Variants in PRELID2 observed in about 807,000 individuals in gnomAD.
PRELID2 encodes the protein PRELI domain-containing protein 2.
PRELID2 carries 25 observed loss-of-function variants against 28.4 expected under a neutral mutation model. The observed-to-expected ratio is 0.88, with a 90% confidence interval of 0.64 to 1.23. The LOEUF (loss-of-function observed/expected upper bound fraction) is 1.23. Ranked by LOEUF, PRELID2 falls within the 50% of genes most tolerant of loss-of-function variation. PRELID2 has a pLI of 0.00. For missense variants in PRELID2, 201 were observed against 214.4 expected, an observed-to-expected ratio of 0.94 and a Z score of 0.39; for synonymous variants, 76 against 71.6, an observed-to-expected ratio of 1.06 and a Z score of -0.31.
the PRELID2 span, among the ~76,000 whole-genome samples, chr5:145,260,101 A>G: frequency 3.9e-5 from 6 of 152,172 alleles, no homozygotes; most frequent in African/African-American, 1.2e-4. Flanking sequence ...TGCTCCTGCC[A>G]TGTAAGATGC....
intron 1 of PRELID2, among the ~76,000 whole-genome samples, chr5:145,669,405 G>T (rs3902854): frequency 2.4e-4 from 37 of 152,064 alleles, no homozygotes; most frequent in Non-Finnish European, 4.3e-4. Flanking sequence ...ATAAACCAGG[G>T]GTCTTTATCC....
chr5:145,515,166 TG>T (rs1044667718), intron 1 of PRELID2, among the ~76,000 whole-genome samples: 21 of 151,642 alleles, frequency 1.4e-4, no homozygotes, highest in African/African-American at 4.8e-4. Context: ...AGAACAGAAC[TG>T]AAGGAGATAG....
At position 145,796,508 on chromosome 5, in the gene PRELID2, C is replaced by A. The variant is rs773475017; in HGVS notation, c.408G>T (p.Gly136=). The change falls in exon 5 of 7, where the codon GGG becomes GGT. Residue 136 remains glycine (G), a synonymous_variant. Transcript: ENST00000683046. ...FIQRGRISIT[G]VGFLNCVLET... ...CTAAAACACAGTTGAGAAATCCAAC[C>A]CCTGTGATTGAAATCCTGCCTCTTT... 2 of 1,609,316 alleles carry A rather than the reference C, an allele frequency of 1.2e-6. No individual in the cohort carries two copies. Among genetic ancestry groups the A allele is most frequent in the South Asian group, 1.1e-5 (1 of 90,620 alleles).
At chr5:145,420,372 T>C in the PRELID2 span, among the ~76,000 whole-genome samples, 2 of 151,912 alleles carry the variant, frequency 1.3e-5, no homozygotes, top group African/African-American at 4.8e-5. Flanking sequence ...GAGCATGGAA[T>C]GTTCTTCCAT....
At chr5:145,329,949 G>A in the PRELID2 span, among the ~76,000 whole-genome samples, 10 of 152,104 alleles carry the variant, frequency 6.6e-5, no homozygotes, top group South Asian at 2.1e-4. Flanking sequence ...TTTGGGATAC[G>A]TTCCATCAAT....
intron 1 of PRELID2, among the ~76,000 whole-genome samples, chr5:145,511,956 G>A (rs1220246233): frequency 6.6e-6 from 1 of 152,118 alleles, no homozygotes; most frequent in Non-Finnish European, 1.5e-5. Flanking sequence ...TAAAATTAGT[G>A]AGAAGTAGAT....
intron 1 of PRELID2, among the ~76,000 whole-genome samples, chr5:145,580,137 G>C (rs537471908): frequency 1.3e-5 from 2 of 152,154 alleles, no homozygotes; most frequent in African/African-American, 4.8e-5. Context: ...AACAATCCAA[G>C]AATCTGTTAC....
chr5:145,774,838 G>A (rs987768723), intron 5 of PRELID2, among the ~76,000 whole-genome samples: 5 of 152,172 alleles, frequency 3.3e-5, no homozygotes, highest in African/African-American at 4.8e-5. Context: ...TCTGTGCTGA[G>A]CACATTACAT....
At position 145,742,326 on chromosome 5, in the gene PRELID2, A is replaced by ATTTTTT. The variant is rs201505408; in HGVS notation, n.70+22604_70+22605insAAAAAA. ...TTTATATATATAAATAAAAATAGAT[A>ATTTTTT]TATTTTTTTTTTCTGGCTACATCCT... On this transcript the variant is annotated intron_variant and non_coding_transcript_variant, in intron 1 of 2. Coordinates refer to the PRELID2 transcript ENST00000510259. 1.5e-5 allele frequency among the ~76,000 whole-genome samples: 2 copies of ATTTTTT among 136,626 alleles called. 1 individual carries two copies. 89.6% of individuals were successfully genotyped at this position (136,626 alleles called of 152,430 possible).
intron 1 of PRELID2, among the ~76,000 whole-genome samples, chr5:145,726,696 T>C (rs1402892743): frequency 6.6e-6 from 1 of 152,132 alleles, no homozygotes; most frequent in African/African-American, 2.4e-5. Context: ...ATTATGTAGG[T>C]TAAATATAAA....
intron 1 of PRELID2, among the ~76,000 whole-genome samples, chr5:145,740,747 A>G (rs1240061110): frequency 9.1e-6 from 1 of 109,718 alleles, no homozygotes; most frequent in African/African-American, 4.0e-5. Context: ...ATATAAATAT[A>G]TTATATATTT....
chr5:145,614,829 T>A (rs1043763335), intron 1 of PRELID2, among the ~76,000 whole-genome samples: 6 of 152,226 alleles, frequency 3.9e-5, no homozygotes, highest in Non-Finnish European at 8.8e-5. Context: ...TTTCTTTCTC[T>A]TGTCTGGTTG....
At chr5:145,251,594 T>C in the PRELID2 span, among the ~76,000 whole-genome samples, 1 of 152,222 alleles carries the variant, frequency 6.6e-6, no homozygotes, top group Admixed American at 6.5e-5. Flanking sequence ...AGCTGTAACA[T>C]CTCTATATGG....
chr5:145,582,451 G>A (rs561546705), intron 1 of PRELID2, among the ~76,000 whole-genome samples: 29 of 151,846 alleles, frequency 1.9e-4, no homozygotes, highest in Non-Finnish European at 3.8e-4. Flanking sequence ...GGGGGAAGTC[G>A]GCCCCCATGA....
intron 5 of PRELID2, among the ~76,000 whole-genome samples, chr5:145,793,489 A>G (rs768542676): frequency 2.0e-5 from 3 of 152,122 alleles, no homozygotes; most frequent in Non-Finnish European, 4.4e-5. Context: ...TACCAGAAAA[A>G]ATGACCACTT....
intron 1 of PRELID2, among the ~76,000 whole-genome samples, chr5:145,490,234 A>T (rs1580956450): frequency 6.6e-6 from 1 of 152,258 alleles, no homozygotes; most frequent in South Asian, 2.1e-4. Flanking sequence ...TAGACTTTTT[A>T]AAATTTCCTT....
intron 1 of PRELID2, among the ~76,000 whole-genome samples, chr5:145,518,861 T>C (rs1752541047): frequency 6.6e-6 from 1 of 152,222 alleles, no homozygotes. Context: ...TCCCTTACAA[T>C]GAAGGTTTAT....
At chr5:145,741,149 A>G (rs1222862827) in intron 1 of PRELID2, among the ~76,000 whole-genome samples, 5 of 116,940 alleles carry the variant, frequency 4.3e-5, no homozygotes, top group African/African-American at 1.4e-4. Flanking sequence ...ATGTATAAAT[A>G]TGTAAAATAT....
intron 1 of PRELID2, among the ~76,000 whole-genome samples, chr5:145,548,531 C>T (rs972217825): frequency 2.0e-5 from 3 of 152,168 alleles, no homozygotes; most frequent in Non-Finnish European, 2.9e-5. Context: ...TTCAACCTAC[C>T]TCAACCTACT....
Sources: gnomAD v4.1 joint callset for allele counts (sites outside exome capture counted in the v4.1 genomes callset) on GRCh38, gnomAD v4.1.1 for gene constraint, MANE v1.5 for transcripts, NCBI Gene and HGNC (gene_info 2026-07-23, HGNC 2026-07-21) for gene names.